VRK1: variants seen among roughly 807,000 people sequenced by gnomAD.
The protein encoded by VRK1 is serine/threonine-protein kinase VRK1.
In VRK1, 33 loss-of-function variants were observed where a neutral mutation model predicts 57.1. That is an observed-to-expected ratio of 0.58 (90% CI 0.44 to 0.77). The LOEUF (loss-of-function observed/expected upper bound fraction) is 0.77. Ranked by LOEUF, VRK1 falls within the 30% of genes least tolerant of loss-of-function variation. The pLI is 0.00. For synonymous variants in VRK1, 137 were observed against 147.8 expected (o/e 0.93, Z 0.53); for missense variants, 413 against 477.3 (o/e 0.87, Z 1.25).
intron 11 of VRK1, among the ~76,000 whole-genome samples, chr14:96,873,155 T>C (rs1280125169): frequency 6.6e-6 from 1 of 152,176 alleles, no homozygotes; most frequent in Non-Finnish European, 1.5e-5. Flanking sequence ...TGAAAGCATC[T>C]AGAGGTGATC....
intron 11 of VRK1, among the ~76,000 whole-genome samples, chr14:96,875,405 A>G (rs1185144966): frequency 6.6e-6 from 1 of 152,192 alleles, no homozygotes; most frequent in Non-Finnish European, 1.5e-5. Flanking sequence ...ATTTTCGGAG[A>G]GCTTTGTACT....
chr14:96,826,813 GT>G (rs1180832858), intron 1 of VRK1, among the ~76,000 whole-genome samples: 1 of 152,142 alleles, frequency 6.6e-6, no homozygotes, highest in Non-Finnish European at 1.5e-5. Flanking sequence ...GGGACTTCTG[GT>G]TTTAAATAAT....
chr14:96,857,622 C>G (rs979898585), intron 10 of VRK1, among the ~76,000 whole-genome samples: 2 of 152,166 alleles, frequency 1.3e-5, no homozygotes, highest in Non-Finnish European at 2.9e-5. Flanking sequence ...AGGCAGAAAG[C>G]AGGTTAAGAG....
intron 1 of VRK1, among the ~76,000 whole-genome samples, chr14:96,822,069 C>G (rs1219948417): frequency 4.4e-5 from 6 of 137,640 alleles, no homozygotes; most frequent in African/African-American, 1.3e-4. Flanking sequence ...CCCCCAACTC[C>G]CTGTCCCTGC....
chr14:96,828,348 C>T (rs934645101), intron 1 of VRK1, among the ~76,000 whole-genome samples: 1 of 152,282 alleles, frequency 6.6e-6, no homozygotes, highest in South Asian at 2.1e-4. Flanking sequence ...TGTTCCAACT[C>T]CTTACCAACA....
rs547418368 is a variant in VRK1 at position 96,844,714 on chromosome 14, G to T, written c.217-1381G>T. 1.8e-3 allele frequency among the ~76,000 whole-genome samples: 277 copies of T among 152,144 alleles called. 1 individual carries two copies. The highest frequency in any genetic ancestry group is 6.6e-3 in the African/African-American group (275 of 41,516). On this transcript the variant is annotated intron_variant, in intron 3 of 12. Transcript: ENST00000216639. ...TCGCCACCATGCCCAGATAATTTTT[G>T]TATTTTTAGTAGAGATGGGGTTTCA...
intron 1 of VRK1, among the ~76,000 whole-genome samples, chr14:96,807,747 T>C (rs1001721169): frequency 6.6e-6 from 1 of 152,194 alleles, no homozygotes. Context: ...GGTCCAACCA[T>C]GGGAGCTTAT....
intron 12 of VRK1, among the ~76,000 whole-genome samples, chr14:96,880,074 G>A (rs147814858): frequency 0.01 from 1,532 of 152,162 alleles, 12 homozygotes; most frequent in Middle Eastern, 0.065. Flanking sequence ...AGTATATAGG[G>A]TATGTATTAT....
At chr14:96,844,033 T>C (rs1887573792) in intron 3 of VRK1, among the ~76,000 whole-genome samples, 1 of 152,230 alleles carries the variant, frequency 6.6e-6, no homozygotes, top group Non-Finnish European at 1.5e-5. Flanking sequence ...TACTGATTTG[T>C]CTTAGGAAAA....
At chr14:96,825,994 G>T (rs1215501582) in intron 1 of VRK1, among the ~76,000 whole-genome samples, 1 of 152,064 alleles carries the variant, frequency 6.6e-6, no homozygotes, top group African/African-American at 2.4e-5. Flanking sequence ...CTCATTAAGT[G>T]TAAGTGTCAT....
intron 10 of VRK1, among the ~76,000 whole-genome samples, chr14:96,858,104 C>G (rs1888239683): frequency 6.6e-6 from 1 of 151,980 alleles, no homozygotes; most frequent in Non-Finnish European, 1.5e-5. Flanking sequence ...GGGTCTCACT[C>G]TGTTGCCCAG....
chr14:96,857,725 C>T (rs1888222668), intron 10 of VRK1, among the ~76,000 whole-genome samples: 1 of 152,150 alleles, frequency 6.6e-6, no homozygotes, highest in Non-Finnish European at 1.5e-5. Context: ...AGCCTTTGCT[C>T]AGTTGTCTCC....
rs199916225 is a variant in VRK1, at chr14:96,881,175, A to G, written c.1160-2A>G. On this transcript the variant is annotated splice_acceptor_variant, in intron 12 of 12. Coordinates refer to ENST00000216639, the MANE Select transcript of VRK1 (RefSeq NM_003384.3). LOFTEE classifies it high-confidence loss of function. ...TTTCAGTTTCTTTGATTTTTCTTCA[A>G]GGTTCAAGAACCAGAAAGAGAGTCC... The G allele has an allele frequency of 1.2e-6, 2 of 1,604,052 alleles. No individual in the cohort carries two copies.
chr14:96,811,685 T>G (rs4900349), intron 1 of VRK1, among the ~76,000 whole-genome samples: 94,878 of 151,932 alleles, frequency 0.62, 30,496 homozygotes, highest in African/African-American at 0.69. Context: ...TCTTTGAAAA[T>G]ATTTAGTTTA....
intron 1 of VRK1, among the ~76,000 whole-genome samples, chr14:96,801,535 A>G (rs1885661713): frequency 6.6e-6 from 1 of 152,112 alleles, no homozygotes; most frequent in African/African-American, 2.4e-5. Context: ...ATCAACATAG[A>G]GATTATATGT....
chr14:96,861,490 T>G (rs1042045193), intron 11 of VRK1, among the ~76,000 whole-genome samples: 1 of 152,194 alleles, frequency 6.6e-6, no homozygotes, highest in African/African-American at 2.4e-5. Context: ...AAAATTTTTT[T>G]TACATTATTA....
At chr14:96,847,435 C>A (rs1388999495) in intron 5 of VRK1, 91 bp downstream of exon 5, 27 of 978,548 alleles carry the variant, frequency 2.8e-5, no homozygotes, top group Middle Eastern at 2.1e-4. Flanking sequence ...TGATCACTTA[C>A]AATATTACTA....
chr14:96,803,633 G>T (rs1885756237), intron 1 of VRK1, among the ~76,000 whole-genome samples: 1 of 152,138 alleles, frequency 6.6e-6, no homozygotes, highest in Non-Finnish European at 1.5e-5. Flanking sequence ...ACCATTTAAG[G>T]TATCCACTGA....
chr14:96,858,400 T>C (rs776395619), intron 10 of VRK1, among the ~76,000 whole-genome samples: 1 of 152,244 alleles, frequency 6.6e-6, no homozygotes, highest in East Asian at 1.9e-4. Flanking sequence ...GGCCCTATTA[T>C]TGTATGTTTA....
Sources: allele counts gnomAD v4.1 joint callset (sites outside exome capture counted in the v4.1 genomes callset), GRCh38; gene constraint gnomAD v4.1.1; transcripts MANE v1.5; gene names NCBI Gene and HGNC (gene_info 2026-07-23, HGNC 2026-07-21).